Variants in DUSP16 observed in about 807,000 individuals in gnomAD.
DUSP16 encodes the protein dual specificity phosphatase 16.
In DUSP16, 21 loss-of-function variants were observed where a neutral mutation model predicts 58.3. The observed-to-expected ratio is 0.36, with a 90% CI of 0.26 to 0.52. DUSP16 has a LOEUF of 0.52. Ranked by LOEUF, DUSP16 falls within the 20% of genes least tolerant of loss-of-function variation. The pLI is 0.94. For missense variants in DUSP16, 726 were observed against 819.0 expected (o/e 0.89, Z 1.39); for synonymous variants, 320 against 323.8 (o/e 0.99, Z 0.12).
At chr12:12,531,484 A>G (rs1432707379) in intron 1 of DUSP16, among the ~76,000 whole-genome samples, 1 of 152,072 alleles carries the variant, frequency 6.6e-6, no homozygotes, top group Non-Finnish European at 1.5e-5. Context: ...TCCAATGCCA[A>G]AAGTGTGTTG....
chr12:12,540,944 CT>C (rs1199026965), intron 1 of DUSP16, among the ~76,000 whole-genome samples: 6 of 100,688 alleles, frequency 6.0e-5, no homozygotes, highest in Non-Finnish European at 1.1e-4. Flanking sequence ...CTTTTCTTTT[CT>C]TTTCTTTTTT....
chr12:12,478,444 C>T (rs1943500932), intron 6 of DUSP16, among the ~76,000 whole-genome samples: 1 of 152,046 alleles, frequency 6.6e-6, no homozygotes, highest in Non-Finnish European at 1.5e-5. Context: ...GCAGTCCTCC[C>T]ACCTCAGCCT....
intron 5 of DUSP16, among the ~76,000 whole-genome samples, chr12:12,485,173 C>G (rs1409369955): frequency 6.6e-6 from 1 of 151,934 alleles, no homozygotes; most frequent in African/African-American, 2.4e-5. Flanking sequence ...CTACGCCCAG[C>G]TAATTTTTGT....
chr12:12,556,899 T>C (rs1944814134), intron 1 of DUSP16, among the ~76,000 whole-genome samples: 1 of 152,216 alleles, frequency 6.6e-6, no homozygotes, highest in Non-Finnish European at 1.5e-5. Flanking sequence ...CTATTGGTAA[T>C]TAAGCCTAAC....
In DUSP16 at chr12:12,562,644, A is replaced by G. The variant is rs1484752036; in HGVS notation, c.-893T>C. Among the ~76,000 whole-genome samples the G allele has an allele frequency of 2.0e-5, 3 of 152,068 alleles. No homozygotes were observed. Among genetic ancestry groups the G allele is most frequent in the Non-Finnish European group, 2.9e-5 (2 of 67,938 alleles). On this transcript the variant is annotated 5_prime_UTR_variant, in exon 1 of 7. Coordinates refer to ENST00000298573, the MANE Select transcript of DUSP16 (RefSeq NM_030640.3). ...AAGCGCGGATGAGGTCATTGGTTTA[A>G]AAATAAAGAGATGGCGTCACTTGAA...
chr12:12,527,403 A>G (rs1435292538), intron 1 of DUSP16, among the ~76,000 whole-genome samples: 1 of 152,194 alleles, frequency 6.6e-6, no homozygotes, highest in Non-Finnish European at 1.5e-5. Context: ...CTGTGGGTTA[A>G]GATAAACTTG....
At chr12:12,522,882 T>A (rs564038125) in intron 1 of DUSP16, among the ~76,000 whole-genome samples, 55 of 152,318 alleles carry the variant, frequency 3.6e-4, no homozygotes, top group African/African-American at 1.2e-3. Context: ...AAATATTTGA[T>A]TGCAAAAGTT....
In DUSP16 at chr12:12,519,903, C is replaced by A; in HGVS notation, c.326G>T (p.Gly109Val). 1 of 1,614,078 alleles carries A rather than the reference C, an allele frequency of 6.2e-7. No homozygotes were observed. The highest frequency in any genetic ancestry group is 8.5e-7 in the Non-Finnish European group (1 of 1,179,964). The change falls in exon 3 of 7, where the codon GGT (glycine) becomes GTT (valine). Residue 109 changes from glycine (G) to valine (V), a missense_variant. Transcript: ENST00000298573. ...AGAGTTGAAGCTCTTCTCCAGTTTA[C>A]CCAGAAGTACAGTGAGAAAACAGTC... ...SSDCFLTVLLGKLEKSFNSVH... is the reference protein window; with the variant it reads ...SSDCFLTVLLVKLEKSFNSVH...
intron 1 of DUSP16, among the ~76,000 whole-genome samples, chr12:12,532,482 T>G (rs1944405223): frequency 6.6e-6 from 1 of 152,156 alleles, no homozygotes; most frequent in Non-Finnish European, 1.5e-5. Context: ...AACATAGTAA[T>G]AGTTTTACTT....
intron 1 of DUSP16, among the ~76,000 whole-genome samples, chr12:12,551,479 AT>A (rs367780517): frequency 1.6e-4 from 24 of 148,822 alleles, no homozygotes; most frequent in African/African-American, 5.5e-4. Flanking sequence ...AAAAAAAAAA[AT>A]GGGCACTATC....
intron 1 of DUSP16, among the ~76,000 whole-genome samples, chr12:12,523,704 A>G (rs530703201): frequency 6.6e-6 from 1 of 152,364 alleles, no homozygotes; most frequent in South Asian, 2.1e-4. Flanking sequence ...CAAAGCGCCT[A>G]CCAAAGCCAT....
At chr12:12,553,008 T>C (rs1944755409) in intron 1 of DUSP16, among the ~76,000 whole-genome samples, 1 of 152,182 alleles carries the variant, frequency 6.6e-6, no homozygotes, top group South Asian at 2.1e-4. Flanking sequence ...CTCGAACTCC[T>C]GACTTCATGA....
chr12:12,536,603 G>C (rs1342069037), intron 1 of DUSP16, among the ~76,000 whole-genome samples: 1 of 151,912 alleles, frequency 6.6e-6, no homozygotes, highest in Non-Finnish European at 1.5e-5. Flanking sequence ...AAATTAGCCG[G>C]ACATGGTGGC....
chr12:12,547,953 G>C (rs1944671407), intron 1 of DUSP16, among the ~76,000 whole-genome samples: 1 of 152,118 alleles, frequency 6.6e-6, no homozygotes, highest in South Asian at 2.1e-4. Context: ...ATGAGGAGAG[G>C]GAAGAAGAAG....
At chr12:12,518,789 G>A (rs774209203) in intron 3 of DUSP16, among the ~76,000 whole-genome samples, 7 of 152,124 alleles carry the variant, frequency 4.6e-5, no homozygotes, top group Non-Finnish European at 7.4e-5. Flanking sequence ...AACACTAATT[G>A]AAAGATCAGA....
At chr12:12,536,542 C>T (rs1323368442) in intron 1 of DUSP16, among the ~76,000 whole-genome samples, 1 of 152,092 alleles carries the variant, frequency 6.6e-6, no homozygotes, top group East Asian at 1.9e-4. Flanking sequence ...GTTAGGAGTT[C>T]AAGACCAGCC....
intron 1 of DUSP16, among the ~76,000 whole-genome samples, chr12:12,554,884 C>T (rs1944785749): frequency 6.6e-6 from 1 of 152,036 alleles, no homozygotes. Context: ...TTTCTCAAGT[C>T]AACCCAAGAT....
chr12:12,478,334 G>A (rs1284485087), intron 6 of DUSP16, among the ~76,000 whole-genome samples: 1 of 149,304 alleles, frequency 6.7e-6, no homozygotes, highest in East Asian at 1.9e-4. Context: ...GTTGGTGGTG[G>A]TCTTTTTTTT....
intron 1 of DUSP16, among the ~76,000 whole-genome samples, chr12:12,534,737 T>A (rs367823033): frequency 1.4e-4 from 22 of 152,352 alleles, no homozygotes; most frequent in East Asian, 9.6e-4. Flanking sequence ...TTTTCCAGAC[T>A]GGTTTGAGAC....
Sources: allele counts gnomAD v4.1 joint callset (sites outside exome capture counted in the v4.1 genomes callset), GRCh38; gene constraint gnomAD v4.1.1; transcripts MANE v1.5; gene names NCBI Gene and HGNC (gene_info 2026-07-23, HGNC 2026-07-21).